Variants in GP6 observed in about 807,000 individuals in gnomAD.
The protein encoded by GP6 is platelet glycoprotein VI.
In GP6, 45 loss-of-function variants were observed where a neutral mutation model predicts 37.3. That is an observed-to-expected ratio of 1.21 (90% CI 0.95 to 1.55). GP6 has a LOEUF of 1.55. Ranked by LOEUF, GP6 falls within the 40% of genes most tolerant of loss-of-function variation. GP6 has a pLI of 0.00. For missense variants in GP6, 813 were observed against 760.2 expected, an observed-to-expected ratio of 1.07 and a Z score of -0.82; for synonymous variants, 340 against 316.4, an observed-to-expected ratio of 1.07 and a Z score of -0.79.
chr19:55,028,680 T>C lies in GP6; in HGVS notation c.326-818A>G, dbSNP rs147691866. ...GGACATATTTTAATTTAAAAATAAA[T>C]AAAAAACTTGTCCAAGATCATAAGT... On this transcript the variant is annotated intron_variant, in intron 3 of 7. Coordinates refer to ENST00000310373, the MANE Select transcript of GP6 (RefSeq NM_001083899.2). 7.4e-3 allele frequency among the ~76,000 whole-genome samples: 1,130 copies of C among 152,288 alleles called. 13 individuals are homozygous for C. The highest frequency in any genetic ancestry group is 0.026 in the African/African-American group (1,090 of 41,554).
At chr19:55,015,233 C>T in intron 7 of GP6, 68 bp from the exon 8 acceptor site, 1 of 1,549,310 alleles carries the variant, frequency 6.5e-7, no homozygotes. Context: ...CAAGCCACAT[C>T]TGGGCTTCTC....
At chr19:55,019,252 C>T (rs530191273) in intron 5 of GP6, among the ~76,000 whole-genome samples, 11 of 151,952 alleles carry the variant, frequency 7.2e-5, no homozygotes, top group Admixed American at 1.3e-4. Flanking sequence ...ATTACAGGCA[C>T]CTGCCATCAC....
At chr19:55,029,758 G>A (rs2146850631) in intron 3 of GP6, among the ~76,000 whole-genome samples, 1 of 151,688 alleles carries the variant, frequency 6.6e-6, no homozygotes, top group African/African-American at 2.4e-5. Context: ...ATAGTGAGGA[G>A]GGCCACTTTG....
Position 55,032,524 on chromosome 19 carries a change from G to A in GP6, c.49C>T (p.Arg17Cys), listed in dbSNP as rs748269983. 22 of 1,613,672 alleles carry A rather than the reference G, an allele frequency of 1.4e-5. No individual in the cohort carries two copies. The highest frequency in any genetic ancestry group is 4.4e-5 in the South Asian group (4 of 91,078). ...GACTCACCACTCTGCGCTGGCACACGCCCCAGACACAGCCCTGAGGAAAGA... is the reference window on the plus strand; with the variant it reads ...GACTCACCACTCTGCGCTGGCACACACCCCAGACACAGCCCTGAGGAAAGA... Residue 17 changes from arginine (R) to cysteine (C), a missense_variant, in exon 2 of 8, where the codon CGT becomes TGT. Coordinates refer to ENST00000310373, the MANE Select transcript of GP6 (RefSeq NM_001083899.2).
intron 5 of GP6, among the ~76,000 whole-genome samples, chr19:55,022,462 C>T (rs2074119720): frequency 1.3e-5 from 2 of 152,102 alleles, no homozygotes; most frequent in South Asian, 2.1e-4. Context: ...ACAAGGATGC[C>T]CTCTTTCACC....
intron 3 of GP6, among the ~76,000 whole-genome samples, chr19:55,029,971 G>A (rs1183911483): frequency 1.3e-5 from 2 of 152,066 alleles, no homozygotes; most frequent in African/African-American, 4.8e-5. Flanking sequence ...CAGGAATTAG[G>A]GTGGCGTGAG....
intron 1 of GP6, among the ~76,000 whole-genome samples, chr19:55,035,008 T>G (rs984644144): frequency 1.3e-5 from 2 of 152,162 alleles, no homozygotes; most frequent in African/African-American, 4.8e-5. Flanking sequence ...AGCCTCTTTG[T>G]AGGTTTCCAT....
At position 55,018,420 on chromosome 19, in the gene GP6, G is replaced by C. The variant is rs534023807; in HGVS notation, c.724+232C>G. Among the ~76,000 whole-genome samples, 11 of 152,316 alleles carry C rather than the reference G, an allele frequency of 7.2e-5. No individual in the cohort carries two copies. In the East Asian group the frequency reaches 2.1e-3, roughly 29 times the overall value. On this transcript the variant is annotated intron_variant, in intron 6 of 7. Coordinates refer to ENST00000310373, the MANE Select transcript of GP6 (RefSeq NM_001083899.2). ...AGTGCGTAGGGATGGCGGTCGTCCC[G>C]CCACAGCCTTGGCTCCGCCATCTTT...
chr19:55,023,713 G>C (rs1332980508), intron 5 of GP6, among the ~76,000 whole-genome samples: 1 of 152,118 alleles, frequency 6.6e-6, no homozygotes, highest in African/African-American at 2.4e-5. Context: ...ATTTATAGCA[G>C]CACAAAATCG....
At position 55,032,489 on chromosome 19, in the gene GP6, T is replaced by C. The variant is rs199731675; in HGVS notation, c.67+17A>G. ...GGCGGATCCCGCAGGAGGGAAGGGG[T>C]CTGGGGAAGGACTCACCACTCTGCG... On this transcript the variant is annotated intron_variant, in intron 2 of 7. Transcript: ENST00000310373. 6.2e-6 allele frequency: 10 copies of C among 1,613,346 alleles called. No homozygotes were observed. The highest frequency in any genetic ancestry group is 8.5e-6 in the Non-Finnish European group (10 of 1,179,834).
chr19:55,034,716 TACAC>T (rs796869786), intron 1 of GP6, among the ~76,000 whole-genome samples: 34 of 148,124 alleles, frequency 2.3e-4, no homozygotes, highest in African/African-American at 4.7e-4. Flanking sequence ...CCCTCATTCT[TACAC>T]ACACACACAC....
intron 3 of GP6, among the ~76,000 whole-genome samples, chr19:55,031,612 A>C (rs1334286669): frequency 6.6e-6 from 1 of 152,148 alleles, no homozygotes; most frequent in Non-Finnish European, 1.5e-5. Context: ...TTTTTTTAAA[A>C]ATTGCATGAA....
At position 55,013,910 on chromosome 19, in the gene GP6, T is replaced by A; in HGVS notation, c.*172A>T. ...GTCAAGAAATGCCTAAACGCTATAA[T>A]AAATATAGAACTTTACCTTGAGAAG... On this transcript the variant is annotated 3_prime_UTR_variant, in exon 8 of 8. Transcript: ENST00000310373. 2 of 373,074 alleles carry A rather than the reference T, an allele frequency of 5.4e-6. No individual in the cohort carries two copies. Among genetic ancestry groups the A allele is most frequent in the South Asian group, 4.0e-5 (2 of 49,448 alleles). 23.1% of individuals were successfully genotyped at this position (373,074 alleles called of 1,614,324 possible). A position where few individuals can be genotyped will look rare whatever the true frequency, so the allele number is the denominator to read the frequency against.
rs201603906 is a variant in GP6 at position 55,014,922 on chromosome 19, C to G, written c.1023G>C (p.Met341Ile). The change falls in exon 8 of 8, where the codon ATG becomes ATC. Residue 341 changes from methionine (M) to isoleucine (I), a missense_variant. Coordinates refer to ENST00000310373, the MANE Select transcript of GP6 (RefSeq NM_001083899.2). Reference sequence around the variant, plus strand: ...ACGACCGTGCCTGGGGTTCAGCGGTCATGAACATAACCCGCGGCTGTGAAC... The same window carrying G: ...ACGACCGTGCCTGGGGTTCAGCGGTGATGAACATAACCCGCGGCTGTGAAC... 1 of 1,613,370 alleles carries G rather than the reference C, an allele frequency of 6.2e-7. No homozygotes were observed. The highest frequency in any genetic ancestry group is 1.1e-5 in the South Asian group (1 of 91,058).
intron 1 of GP6, chr19:55,032,793 G>C (rs1402742646): frequency 3.3e-6 from 2 of 614,504 alleles, no homozygotes; most frequent in East Asian, 2.8e-5. Context: ...TCCATGGCTG[G>C]GGGTGGTGGG....
rs145359555 is a variant in GP6, at chr19:55,019,261, A to C, written c.665-550T>G. Among the ~76,000 whole-genome samples the C allele has an allele frequency of 5.9e-3, 897 of 151,354 alleles. 9 individuals carry two copies. The highest frequency in any genetic ancestry group is 0.021 in the African/African-American group (857 of 41,292). ...GCTGGGATTACAGGCACCTGCCATC[A>C]CGCCTGGCCAACTTTTTTTTTTGTA... is the stretch of plus-strand genomic sequence containing the variant. On this transcript the variant is annotated intron_variant, in intron 5 of 7. Coordinates refer to ENST00000310373, the MANE Select transcript of GP6 (RefSeq NM_001083899.2).
At chr19:55,024,381 G>T (rs904330553) in intron 5 of GP6, among the ~76,000 whole-genome samples, 1 of 25,896 alleles carries the variant, frequency 3.9e-5, no homozygotes, top group African/African-American at 8.1e-5. Flanking sequence ...CACACAGTAT[G>T]TGACCATCTT....
chr19:55,036,478 C>T (rs1414623556), intron 1 of GP6, among the ~76,000 whole-genome samples: 2 of 151,992 alleles, frequency 1.3e-5, no homozygotes, highest in East Asian at 1.9e-4. Flanking sequence ...GTGGGTGGAT[C>T]GCTTGAGCCC....
chr19:55,018,274 G>A (rs1671191), intron 6 of GP6, among the ~76,000 whole-genome samples: 117,195 of 152,134 alleles, frequency 0.77, 45,883 homozygotes, highest in Middle Eastern at 0.85. Flanking sequence ...AAGATGTGCT[G>A]TGTCCAGGTG....
Sources: allele counts gnomAD v4.1 joint callset (sites outside exome capture counted in the v4.1 genomes callset), GRCh38; gene constraint gnomAD v4.1.1; transcripts MANE v1.5; gene names NCBI Gene and HGNC (gene_info 2026-07-23, HGNC 2026-07-21).